Variants in GALNT8 observed in about 807,000 individuals in gnomAD.
GALNT8 encodes the protein polypeptide N-acetylgalactosaminyltransferase 8.
In GALNT8, 66 loss-of-function variants were observed where a neutral mutation model predicts 62.7. The observed-to-expected ratio is 1.05, with a 90% CI of 0.86 to 1.29. The LOEUF (loss-of-function observed/expected upper bound fraction) is 1.29. GALNT8 is among the 50% of genes most tolerant of loss of function. The pLI, the probability that GALNT8 is intolerant of heterozygous loss-of-function variation, is 0.00. For missense variants in GALNT8, 771 were observed against 791.8 expected, an observed-to-expected ratio of 0.97 and a Z score of 0.32; for synonymous variants, 288 against 294.3, an observed-to-expected ratio of 0.98 and a Z score of 0.22.
intron 10 of GALNT8, chr12:4,768,525 C>T: frequency 3.1e-6 from 1 of 327,810 alleles, no homozygotes; most frequent in South Asian, 2.7e-5. Context: ...ATCGCCTTCT[C>T]AGCTGACTGA....
intron 9 of GALNT8, among the ~76,000 whole-genome samples, chr12:4,764,908 T>C (rs1565390335): frequency 6.6e-6 from 1 of 151,586 alleles, no homozygotes; most frequent in Non-Finnish European, 1.5e-5. Context: ...TTACTTTGCA[T>C]GCTGCCCTCA....
At chr12:4,747,437 A>G (rs989089411) in intron 6 of GALNT8, among the ~76,000 whole-genome samples, 5 of 152,018 alleles carry the variant, frequency 3.3e-5, no homozygotes, top group South Asian at 2.1e-4. Context: ...AATTGTTTTG[A>G]TTTTTAAATT....
intron 2 of GALNT8, among the ~76,000 whole-genome samples, chr12:4,733,265 C>T (rs1351705487): frequency 6.6e-6 from 1 of 152,152 alleles, no homozygotes; most frequent in African/African-American, 2.4e-5. Context: ...TTCGTCATTG[C>T]AGAAAATTCT....
At chr12:4,744,125 TGA>T (rs1946284382) in intron 3 of GALNT8, among the ~76,000 whole-genome samples, 1 of 152,216 alleles carries the variant, frequency 6.6e-6, no homozygotes, top group Non-Finnish European at 1.5e-5. Context: ...TCCAGAGTTT[TGA>T]GAGTTTAGCT....
Position 4,763,289 on chromosome 12 carries a change from A to G in GALNT8, c.1396A>G (p.Met466Val). The part of the protein sequence containing the change: ...GIDFGDVSSR[M>V]ALREKLKCKT... Reference sequence around the variant, plus strand: ...AGATTTTGGAGACGTTTCTTCCAGAATGGCACTCCGGGAAAAACTGAAATG... The same window carrying G: ...AGATTTTGGAGACGTTTCTTCCAGAGTGGCACTCCGGGAAAAACTGAAATG... Residue 466 changes from methionine (M) to valine (V), a missense_variant, in exon 8 of 11, where the codon ATG (methionine) becomes GTG (valine). Met to Val is a conservative substitution (Grantham distance 21). Transcript: ENST00000252318. 1 of 1,611,980 alleles carries G rather than the reference A, an allele frequency of 6.2e-7. No individual in the cohort carries two copies. Among genetic ancestry groups the G allele is most frequent in the Non-Finnish European group, 8.5e-7 (1 of 1,178,066 alleles).
intron 2 of GALNT8, among the ~76,000 whole-genome samples, chr12:4,738,490 G>A (rs1946255833): frequency 6.6e-6 from 1 of 151,986 alleles, no homozygotes; most frequent in African/African-American, 2.4e-5. Flanking sequence ...CCATGGAGTG[G>A]GAGAAAATAT....
At chr12:4,728,444 C>A (rs1173641543) in intron 2 of GALNT8, among the ~76,000 whole-genome samples, 3 of 152,070 alleles carry the variant, frequency 2.0e-5, no homozygotes, top group Non-Finnish European at 4.4e-5. Context: ...TTGCTTGGTA[C>A]AAGGTCGCAA....
At position 4,744,467 on chromosome 12, in the gene GALNT8, A is replaced by G. The variant is rs774193630; in HGVS notation, c.677-50A>G. On this transcript the variant is annotated intron_variant, in intron 3 of 10. Transcript: ENST00000252318. ...TATGATAGTATAAAACTTTTGTATC[A>G]CGTTGATTGTTGCACTCAGAATTTC... is the stretch of plus-strand genomic sequence containing the variant. The G allele has an allele frequency of 5.5e-5, 73 of 1,323,184 alleles. 1 individual carries two copies. The South Asian group carries it at 9.0e-4, about 16-fold the overall frequency. 82.0% of individuals were successfully genotyped at this position (1,323,184 alleles called of 1,614,324 possible).
chr12:4,756,138 A>G (rs1034100632), intron 6 of GALNT8, among the ~76,000 whole-genome samples: 6 of 152,246 alleles, frequency 3.9e-5, no homozygotes, highest in Non-Finnish European at 5.9e-5. Context: ...TTTTGTGGAT[A>G]AAATATCATT....
chr12:4,731,900 A>C (rs1946223657), intron 2 of GALNT8, among the ~76,000 whole-genome samples: 1 of 152,174 alleles, frequency 6.6e-6, no homozygotes, highest in Admixed American at 6.5e-5. Context: ...CCACCTGCAC[A>C]ATTTGCAGAG....
intron 5 of GALNT8, 74 bp from the exon 6 acceptor site, chr12:4,746,070 T>A (rs1441136207): frequency 2.9e-5 from 24 of 832,586 alleles, no homozygotes; most frequent in Non-Finnish European, 4.6e-5. Flanking sequence ...GAAGCCCAAA[T>A]AATCATTGAG....
chr12:4,746,125 C>G lies in GALNT8; in HGVS notation c.1059-19C>G. On this transcript the variant is annotated intron_variant, in intron 5 of 10. Transcript: ENST00000252318. ...GCTCCTTATGGAGAGATTAGTGACT[C>G]TTGCTGTGTGCTCTGTAGGAGTCCT... 1 of 1,423,878 alleles carries G rather than the reference C, an allele frequency of 7.0e-7. No homozygotes were observed. Among genetic ancestry groups the G allele is most frequent in the African/African-American group, 1.4e-5 (1 of 71,300 alleles). The allele number at this position is 1,423,878 out of a possible 1,614,324, so 88.2% of individuals were successfully genotyped here.
chr12:4,761,833 G>A (rs533360880), intron 7 of GALNT8, among the ~76,000 whole-genome samples: 19 of 152,290 alleles, frequency 1.2e-4, no homozygotes, highest in African/African-American at 4.3e-4. Flanking sequence ...ATGTGGAGCT[G>A]TGTTGGCCCA....
rs2137518076 is a variant in GALNT8, at chr12:4,726,376, G to GTTCCCTGACATACTAC, written c.212-155_212-140dup. On this transcript the variant is annotated intron_variant, in intron 1 of 10. Transcript: ENST00000252318. The surrounding 1 kb of genome is among the most constrained non-coding windows in gnomAD (Gnocchi z 4.1). ...GGGACAGCCTTGCATGGCTGGATAA[G>GTTCCCTGACATACTAC]TTCCCTGACATACTACATCCTCTGT... 6.6e-6 allele frequency among the ~76,000 whole-genome samples: 1 copy of GTTCCCTGACATACTAC among 152,260 alleles called. No homozygotes were observed. Among genetic ancestry groups the GTTCCCTGACATACTAC allele is most frequent in the South Asian group, 2.1e-4 (1 of 4,822 alleles).
intron 10 of GALNT8, among the ~76,000 whole-genome samples, 187 bp downstream of exon 10, chr12:4,765,733 ATTCTAACCTAC>A (rs906666706): frequency 5.3e-5 from 8 of 152,194 alleles, no homozygotes; most frequent in Non-Finnish European, 1.0e-4. Flanking sequence ...TCTGCCAACC[ATTCTAACCTAC>A]AGTCTGGGTC....
intron 6 of GALNT8, among the ~76,000 whole-genome samples, chr12:4,751,697 A>G (rs1289874754): frequency 6.6e-6 from 1 of 152,132 alleles, no homozygotes; most frequent in African/African-American, 2.4e-5. Context: ...CTTGAGAATG[A>G]TCCATGTGCT....
chr12:4,738,817 A>G (rs888793370), intron 2 of GALNT8, among the ~76,000 whole-genome samples: 1 of 152,150 alleles, frequency 6.6e-6, no homozygotes, highest in Non-Finnish European at 1.5e-5. Context: ...GTCTGAGAAC[A>G]TGGGAAAAGG....
At chr12:4,760,762 A>G (rs2286580) in intron 6 of GALNT8, among the ~76,000 whole-genome samples, 196 bp from the exon 7 acceptor site, 58,631 of 151,996 alleles carry the variant, frequency 0.39, 11,562 homozygotes, top group Admixed American at 0.44. Flanking sequence ...TGAATGACAG[A>G]AGAGAAGCAG....
At chr12:4,761,846 G>T (rs546968580) in intron 7 of GALNT8, among the ~76,000 whole-genome samples, 1 of 152,278 alleles carries the variant, frequency 6.6e-6, no homozygotes, top group Admixed American at 6.5e-5. Context: ...TTGGCCCACA[G>T]GGAGGAGTTA....
Sources: allele counts gnomAD v4.1 joint callset (sites outside exome capture counted in the v4.1 genomes callset), GRCh38; gene constraint gnomAD v4.1.1; non-coding constraint Gnocchi (gnomAD v3.1); transcripts MANE v1.5; gene names NCBI Gene and HGNC (gene_info 2026-07-23, HGNC 2026-07-21).